GLIS3: variants seen among roughly 807,000 people sequenced by gnomAD.
GLIS3 encodes zinc finger protein GLIS3.
Under a neutral mutation model 78.6 loss-of-function variants are expected in GLIS3, and 53 were observed. The observed-to-expected ratio is 0.67, with a 90% confidence interval of 0.54 to 0.85. The LOEUF is 0.85. Ranked by LOEUF, GLIS3 falls within the 40% of genes least tolerant of loss-of-function variation. The pLI, the probability that GLIS3 is intolerant of heterozygous loss-of-function variation, is 0.00. For synonymous variants in GLIS3, 684 were observed against 509.9 expected (o/e 1.34, Z -4.60); for missense variants, 1,703 against 1,231.1 (o/e 1.38, Z -5.74).
intron 4 of GLIS3, among the ~76,000 whole-genome samples, chr9:4,067,214 C>T (rs775610382): frequency 6.6e-6 from 1 of 151,124 alleles, no homozygotes; most frequent in Non-Finnish European, 1.5e-5. Flanking sequence ...TATTAAAATT[C>T]TTTATATTAC....
intron 2 of GLIS3, among the ~76,000 whole-genome samples, chr9:4,141,904 T>A (rs1408136961): frequency 6.6e-6 from 1 of 152,252 alleles, no homozygotes; most frequent in Non-Finnish European, 1.5e-5. Context: ...TAATGCTATT[T>A]TTTAACTTAT....
the GLIS3 span, among the ~76,000 whole-genome samples, chr9:4,366,212 C>G: frequency 6.6e-6 from 1 of 152,178 alleles, no homozygotes; most frequent in Non-Finnish European, 1.5e-5. Flanking sequence ...TTTAAACCAA[C>G]CAAAGCAAAG....
chr9:3,838,654 G>T (rs1429376242), intron 9 of GLIS3, among the ~76,000 whole-genome samples: 1 of 152,110 alleles, frequency 6.6e-6, no homozygotes, highest in Non-Finnish European at 1.5e-5. Flanking sequence ...TCCCTGTCTA[G>T]GTTAAAGCTC....
rs1563900100 is a variant in GLIS3, at chr9:4,286,406, C to G, written c.20G>C (p.Ser7Thr). ...TCCCGATGTCCGGTGGAGACTCATG[C>G]TGCATGATCTTCCATTCATTCTGAA... is the stretch of plus-strand genomic sequence containing the variant. MNGRSC[S>T]MSLHRTSGTP... The change falls in exon 2 of 11, where the codon AGC becomes ACC. Residue 7 changes from serine to threonine, a missense_variant. By Grantham distance (58) the Ser-to-Thr change is moderately conservative. Coordinates refer to ENST00000381971, the MANE Select transcript of GLIS3 (RefSeq NM_001042413.2). 1 of 1,614,120 alleles carries G rather than the reference C, an allele frequency of 6.2e-7. No homozygotes were observed. The highest frequency in any genetic ancestry group is 2.2e-5 in the East Asian group (1 of 44,874).
At chr9:4,372,789 G>C in the GLIS3 span, among the ~76,000 whole-genome samples, 1 of 152,166 alleles carries the variant, frequency 6.6e-6, no homozygotes, top group African/African-American at 2.4e-5. Flanking sequence ...TCTAACTTTT[G>C]AAGGAATCTT....
chr9:4,401,946 G>A, the GLIS3 span, among the ~76,000 whole-genome samples: 437 of 152,220 alleles, frequency 2.9e-3, 3 homozygotes, highest in Non-Finnish European at 5.4e-3. Flanking sequence ...TTATATTGTG[G>A]TGTGAGAACC....
the GLIS3 span, among the ~76,000 whole-genome samples, chr9:4,476,582 G>C: frequency 1.3e-5 from 2 of 151,728 alleles, no homozygotes; most frequent in East Asian, 1.9e-4. Flanking sequence ...GGCTGGTCTC[G>C]AACTCCTGAC....
At chr9:4,217,975 A>G (rs946984233) in intron 2 of GLIS3, among the ~76,000 whole-genome samples, 1 of 152,246 alleles carries the variant, frequency 6.6e-6, no homozygotes, top group Non-Finnish European at 1.5e-5. Context: ...AAGCTCATCA[A>G]AATGGACTTT....
intron 3 of GLIS3, among the ~76,000 whole-genome samples, chr9:4,119,096 T>G (rs964975769): frequency 1.3e-5 from 2 of 152,166 alleles, no homozygotes; most frequent in Admixed American, 6.5e-5. Context: ...TAAAACCTAA[T>G]GCTCACTGAA....
chr9:3,944,140 C>T lies in GLIS3; in HGVS notation c.1711-6951G>A, dbSNP rs80044383. Among the ~76,000 whole-genome samples, 13 of 152,006 alleles carry T rather than the reference C, an allele frequency of 8.6e-5. No individual in the cohort carries two copies. The East Asian group carries it at 2.3e-3, about 27-fold the overall frequency. ...GAAGCAGCTGATTCTTAAAAAGGTCCTTGAAATGAGGTAGCAAATTTCATG... is the reference window on the plus strand; with the variant it reads ...GAAGCAGCTGATTCTTAAAAAGGTCTTTGAAATGAGGTAGCAAATTTCATG... On this transcript the variant is annotated intron_variant, in intron 4 of 10. Coordinates refer to ENST00000381971, the MANE Select transcript of GLIS3 (RefSeq NM_001042413.2).
At chr9:3,981,413 T>G (rs1819272316) in intron 4 of GLIS3, among the ~76,000 whole-genome samples, 1 of 152,180 alleles carries the variant, frequency 6.6e-6, no homozygotes, top group South Asian at 2.1e-4. Context: ...TTGGGAGAAC[T>G]GTCTAATTCA....
chr9:3,944,191 G>GA (rs925020123), intron 4 of GLIS3, among the ~76,000 whole-genome samples: 1 of 151,968 alleles, frequency 6.6e-6, no homozygotes, highest in African/African-American at 2.4e-5. Flanking sequence ...AAATGAAAAT[G>GA]AAAAAAATTT....
At chr9:4,266,957 T>A (rs1826066534) in intron 2 of GLIS3, among the ~76,000 whole-genome samples, 1 of 152,238 alleles carries the variant, frequency 6.6e-6, no homozygotes. Flanking sequence ...AAGTGCTACA[T>A]GCTGTGATAT....
intron 2 of GLIS3, among the ~76,000 whole-genome samples, chr9:4,316,068 T>C (rs1050640305): frequency 1.3e-5 from 2 of 152,198 alleles, no homozygotes; most frequent in African/African-American, 4.8e-5. Flanking sequence ...TGCATATCTA[T>C]GTATGTATGT....
chr9:3,893,924 C>G (rs1822631874), intron 7 of GLIS3, among the ~76,000 whole-genome samples: 1 of 152,146 alleles, frequency 6.6e-6, no homozygotes, highest in Non-Finnish European at 1.5e-5. Context: ...CTTAAAATGA[C>G]CAGTGCCTAC....
At chr9:4,229,035 T>A (rs1382011956) in intron 2 of GLIS3, among the ~76,000 whole-genome samples, 5 of 152,312 alleles carry the variant, frequency 3.3e-5, no homozygotes, top group Non-Finnish European at 5.9e-5. Flanking sequence ...CAGTTTTGTA[T>A]ATATGGATGG....
chr9:4,367,453 C>A, the GLIS3 span, among the ~76,000 whole-genome samples: 1 of 151,908 alleles, frequency 6.6e-6, no homozygotes, highest in East Asian at 1.9e-4. Flanking sequence ...CTTGATCCCC[C>A]TGGGCCTCCT....
At chr9:4,294,199 G>A (rs1036692714) in intron 1 of GLIS3, among the ~76,000 whole-genome samples, 3 of 152,132 alleles carry the variant, frequency 2.0e-5, no homozygotes, top group African/African-American at 7.2e-5. Flanking sequence ...ATGCTACTGT[G>A]CATAGTTCAT....
chr9:3,904,373 G>C (rs565190262), intron 6 of GLIS3, among the ~76,000 whole-genome samples: 3 of 152,344 alleles, frequency 2.0e-5, no homozygotes, highest in Admixed American at 6.5e-5. Flanking sequence ...TGCAGCATCA[G>C]TTCTTGCCCA....
Sources: gnomAD v4.1 joint callset for allele counts (sites outside exome capture counted in the v4.1 genomes callset) on GRCh38, gnomAD v4.1.1 for gene constraint, MANE v1.5 for transcripts, NCBI Gene and HGNC (gene_info 2026-07-23, HGNC 2026-07-21) for gene names.